Variants in RBP5 observed in about 807,000 individuals in gnomAD.
RBP5 encodes retinol-binding protein 5.
In RBP5, 12 loss-of-function variants were observed where a neutral mutation model predicts 17.8. The ratio of observed to expected loss-of-function variants is 0.67; its 90% CI spans 0.43 to 1.09. The LOEUF (loss-of-function observed/expected upper bound fraction) is 1.09. Among genes scored for constraint, RBP5 ranks in the 50% least tolerant of loss-of-function variants. The probability of loss-of-function intolerance (pLI) is 0.00; values close to 1 mark genes in which losing one functional copy is unlikely to be tolerated. For missense variants in RBP5, 172 were observed against 169.4 expected (o/e 1.02, Z -0.09); for synonymous variants, 64 against 68.1 (o/e 0.94, Z 0.30).
At position 7,124,622 on chromosome 12, in the gene RBP5, C is replaced by CCA; in HGVS notation, c.354+6_354+7insTG. 1.3e-6 allele frequency: 2 copies of CCA among 1,525,446 alleles called. No homozygotes were observed. Among genetic ancestry groups the CCA allele is most frequent in the Non-Finnish European group, 1.8e-6 (2 of 1,099,532 alleles). 94.5% of individuals were successfully genotyped at this position (1,525,446 alleles called of 1,614,324 possible). ...TCTCCCAGACACCCAGCCCCCACCCCATTTACCAGATACAGCATCTCTCCC... is the reference window on the plus strand; with the variant it reads ...TCTCCCAGACACCCAGCCCCCACCCCCAATTTACCAGATACAGCATCTCTCCC... On this transcript the variant is annotated splice_region_variant and intron_variant, in intron 3 of 3. Transcript: ENST00000266560. This position sits in a 1 kb window ranked among gnomAD's most constrained non-coding sequence, Gnocchi z 5.3.
rs1354772599 is a variant in RBP5 at position 7,117,949 on chromosome 12, G to T, written n.890-642C>A. On this transcript the variant is annotated intron_variant and non_coding_transcript_variant, in intron 3 of 3. Transcript: ENST00000619522. The surrounding 1 kb of genome is among the most constrained non-coding windows in gnomAD (Gnocchi z 4.9). ...CTGTGCTTTGCTTGCCAATAGCAGG[G>T]TGCGTCTGTTACATACTGGACTATC... The T allele has an allele frequency of 1.3e-5, 2 of 152,202 alleles. No individual in the cohort carries two copies. Among genetic ancestry groups the T allele is most frequent in the African/African-American group, 2.4e-5 (1 of 41,440 alleles). 9.4% of individuals were successfully genotyped at this position (152,202 alleles called of 1,614,324 possible).
intron 2 of RBP5, among the ~76,000 whole-genome samples, chr12:7,127,339 A>G (rs1045879344): frequency 6.6e-6 from 1 of 152,126 alleles, no homozygotes; most frequent in Non-Finnish European, 1.5e-5. Flanking sequence ...CATGTTGGCC[A>G]GGCTGGTCTT....
chr12:7,124,153 C>T lies in RBP5; in HGVS notation c.376G>A (p.Val126Met). 3 of 1,614,156 alleles carry T rather than the reference C, an allele frequency of 1.9e-6. No individual in the cohort carries two copies. The highest frequency in any genetic ancestry group is 2.5e-6 in the Non-Finnish European group (3 of 1,180,026). ...ACCTTCCTGAAGACCTGCTCGCACA[C>T]TGCATCCCTTGCAGTCAGTTCCTGG... is the stretch of plus-strand genomic sequence containing the variant. ...LYLELTARDA[V>M]CEQVFRKVR Residue 126 changes from valine (V) to methionine (M), a missense_variant, in exon 4 of 4, where the codon GTG becomes ATG. Transcript: ENST00000266560. The surrounding 1 kb of genome is among the most constrained non-coding windows in gnomAD (Gnocchi z 5.3).
In RBP5 at chr12:7,124,729, G is replaced by T. The variant is rs968502344; in HGVS notation, c.254C>A (p.Thr85Asn). 6.3e-7 allele frequency: 1 copy of T among 1,584,716 alleles called. No individual in the cohort carries two copies. Among genetic ancestry groups the T allele is most frequent in the Admixed American group, 1.7e-5 (1 of 59,948 alleles). Residue 85 changes from threonine (T) to asparagine (N), a missense_variant and splice_region_variant, in exon 3 of 4, where the codon ACC (threonine) becomes AAC (asparagine). Physicochemically the swap from Thr to Asn is moderately conservative, Grantham distance 65 (BLOSUM62 0). Transcript: ENST00000266560. The surrounding 1 kb of genome is among the most constrained non-coding windows in gnomAD (Gnocchi z 5.3). ...LRSVDGRKCQ[T>N]IVTWEEEHLV... Reference sequence around the variant, plus strand: ...GTGCTCCTCCTCCCAGGTTACTATGGTCTATAGGGGAAAGAGGGAGTAAAG... The same window carrying T: ...GTGCTCCTCCTCCCAGGTTACTATGTTCTATAGGGGAAAGAGGGAGTAAAG...
exon 4 of RBP5, chr12:7,115,740 T>G (rs1229900122): frequency 6.6e-6 from 1 of 152,290 alleles, no homozygotes; most frequent in Non-Finnish European, 1.5e-5. Flanking sequence ...GGGGAATTCA[T>G]GAAGAGAAGA....
At chr12:7,129,534 TTC>T (rs1462068340), upstream of RBP5, 8 of 842,284 alleles carry the variant, frequency 9.5e-6, no homozygotes, top group African/African-American at 1.3e-4. The surrounding 1 kb of genome is among the most constrained non-coding windows in gnomAD (Gnocchi z 5.5). Flanking sequence ...GAGAATTTTA[TTC>T]TTTTTGGCTT....
Position 7,117,399 on chromosome 12 carries a change from T to C in RBP5, n.890-92A>G, listed in dbSNP as rs1050230041. 1 of 152,126 alleles carries C rather than the reference T, an allele frequency of 6.6e-6. No individual in the cohort carries two copies. The highest frequency in any genetic ancestry group is 1.5e-5 in the Non-Finnish European group (1 of 68,018). 9.4% of individuals were successfully genotyped at this position (152,126 alleles called of 1,614,324 possible). A position where few individuals can be genotyped will look rare whatever the true frequency, so the allele number is the denominator to read the frequency against. Reference sequence around the variant, plus strand: ...GGACGCTGGTTCTCATAGAAGTAGATGTATTATTTTAGTACAATAAGTGCA... The same window carrying C: ...GGACGCTGGTTCTCATAGAAGTAGACGTATTATTTTAGTACAATAAGTGCA... On this transcript the variant is annotated intron_variant and non_coding_transcript_variant, in intron 3 of 3. Transcript: ENST00000619522. The surrounding 1 kb of genome is among the most constrained non-coding windows in gnomAD (Gnocchi z 4.9).
At chr12:7,121,430 T>A (rs1939080619), downstream of RBP5, among the ~76,000 whole-genome samples, 1 of 152,190 alleles carries the variant, frequency 6.6e-6, no homozygotes, top group Non-Finnish European at 1.5e-5. Context: ...CACTTCCTGC[T>A]TCTACCTGAG....
chr12:7,126,193 G>T (rs1301327291), intron 2 of RBP5, among the ~76,000 whole-genome samples: 1 of 152,030 alleles, frequency 6.6e-6, no homozygotes, highest in Non-Finnish European at 1.5e-5. Flanking sequence ...GAAGAGTGAT[G>T]CTCAACAGAA....
chr12:7,124,832 A>G lies in RBP5; in HGVS notation c.253-102T>C, dbSNP rs768635316. 2.8e-6 allele frequency: 2 copies of G among 707,048 alleles called. No individual in the cohort carries two copies. Among genetic ancestry groups the G allele is most frequent in the African/African-American group, 3.5e-5 (2 of 57,518 alleles). The allele number at this position is 707,048 out of a possible 1,614,324, so 43.8% of individuals were successfully genotyped here. Reference sequence around the variant, plus strand: ...CTCCCCCTTTTACTCCACAGCAGATACTGTCTGCTGCAGCCCCTCCACTGA... The same window carrying G: ...CTCCCCCTTTTACTCCACAGCAGATGCTGTCTGCTGCAGCCCCTCCACTGA... On this transcript the variant is annotated intron_variant, in intron 2 of 3. Coordinates refer to ENST00000266560, the MANE Select transcript of RBP5 (RefSeq NM_031491.4). This position sits in a 1 kb window ranked among gnomAD's most constrained non-coding sequence, Gnocchi z 5.3.
intron 2 of RBP5, chr12:7,127,546 AT>A (rs1939193815): frequency 4.7e-6 from 3 of 637,120 alleles, no homozygotes; most frequent in Admixed American, 5.2e-5. Flanking sequence ...TTGTATTGTT[AT>A]TTTTTATTTT....
downstream of RBP5, chr12:7,120,460 T>G (rs769801860): frequency 6.4e-6 from 1 of 155,718 alleles, no homozygotes; most frequent in African/African-American, 2.4e-5. Flanking sequence ...TCTTTCTTTC[T>G]GTCCTCCATG....
At position 7,124,013 on chromosome 12, in the gene RBP5, G is replaced by T; in HGVS notation, c.*108C>A. 9.7e-7 allele frequency: 1 copy of T among 1,035,354 alleles called. No homozygotes were observed. The allele number at this position is 1,035,354 out of a possible 1,614,324, so 64.1% of individuals were successfully genotyped here. The stretch of plus-strand genomic sequence containing the variant: ...GAGGAGGGACCCAGAGGGAGGAAAG[G>T]TGGCCAGAGGAAGGGACAGCTGACC... On this transcript the variant is annotated 3_prime_UTR_variant, in exon 4 of 4. Transcript: ENST00000266560. This position sits in a 1 kb window ranked among gnomAD's most constrained non-coding sequence, Gnocchi z 5.3.
downstream of RBP5, chr12:7,119,515 G>A (rs771163886): frequency 6.5e-6 from 1 of 154,924 alleles, no homozygotes; most frequent in African/African-American, 2.4e-5. Context: ...TTACCTGCCT[G>A]GACAGCAAGA....
In RBP5 at chr12:7,128,119, G is replaced by A. The variant is rs1424555134; in HGVS notation, c.252+121C>T. On this transcript the variant is annotated intron_variant, in intron 2 of 3. Transcript: ENST00000266560. This position sits in a 1 kb window ranked among gnomAD's most constrained non-coding sequence, Gnocchi z 5.3. ...TCCTGGGGACTGCATTCCCTGCTGTGGTGACCATTCCCCTCCTCCCCGCTG... is the reference window on the plus strand; with the variant it reads ...TCCTGGGGACTGCATTCCCTGCTGTAGTGACCATTCCCCTCCTCCCCGCTG... 9 of 826,990 alleles carry A rather than the reference G, an allele frequency of 1.1e-5. No homozygotes were observed. Among genetic ancestry groups the A allele is most frequent in the Admixed American group, 5.5e-5 (2 of 36,250 alleles). The allele number at this position is 826,990 out of a possible 1,614,324, so 51.2% of individuals were successfully genotyped here.
rs1939123915 is a variant in RBP5, at chr12:7,124,294, T to C, written c.355-120A>G. The C allele has an allele frequency of 1.5e-5, 13 of 842,434 alleles. No homozygotes were observed. The Admixed American group carries it at 2.2e-4, about 14-fold the overall frequency. 52.2% of individuals were successfully genotyped at this position (842,434 alleles called of 1,614,324 possible). On this transcript the variant is annotated intron_variant, in intron 3 of 3. Transcript: ENST00000266560. The surrounding 1 kb of genome is among the most constrained non-coding windows in gnomAD (Gnocchi z 5.3). ...CGGATACAGCAGCTTGAGTGTTTGA[T>C]GTATGGGCAATTGTATCATTATTCC...
downstream of RBP5, among the ~76,000 whole-genome samples, chr12:7,123,354 G>C (rs1939107599): frequency 6.6e-6 from 1 of 152,164 alleles, no homozygotes; most frequent in Non-Finnish European, 1.5e-5. Flanking sequence ...CTGTATTACT[G>C]TCTTTTATTC....
chr12:7,122,815 C>T (rs981385347), downstream of RBP5, among the ~76,000 whole-genome samples: 9 of 152,088 alleles, frequency 5.9e-5, no homozygotes, highest in African/African-American at 2.2e-4. Flanking sequence ...TGGACATCTG[C>T]AGAGATTGGG....
chr12:7,128,393 GA>G lies in RBP5; in HGVS notation c.98del (p.Ile33ThrfsTer5). ...CCTTGTCCGGCTTCAGCAGCAGCGC[GA>G]TCTTCCGCACAGCCAAGCTGATGTC... Reference protein sequence around the residue: ...ALNISLAVRKIALLLKPDKEI... With the variant: ...ALNISLAVRKXALLLKPDKEI... On this transcript the variant is annotated frameshift_variant, in exon 2 of 4. Coordinates refer to ENST00000266560, the MANE Select transcript of RBP5 (RefSeq NM_031491.4). LOFTEE classifies it high-confidence loss of function. The surrounding 1 kb of genome is among the most constrained non-coding windows in gnomAD (Gnocchi z 5.3). 1 of 1,614,152 alleles carries G rather than the reference GA, an allele frequency of 6.2e-7. No individual in the cohort carries two copies. Among genetic ancestry groups the G allele is most frequent in the Non-Finnish European group, 8.5e-7 (1 of 1,179,994 alleles).
Sources: allele counts gnomAD v4.1 joint callset (sites outside exome capture counted in the v4.1 genomes callset), GRCh38; gene constraint gnomAD v4.1.1; non-coding constraint Gnocchi (gnomAD v3.1); transcripts MANE v1.5; gene names NCBI Gene and HGNC (gene_info 2026-07-23, HGNC 2026-07-21).